The following RUFY1 variants were observed in gnomAD, a reference collection of about 807,000 sequenced individuals.
RUFY1 encodes the protein RUN and FYVE domain-containing protein 1.
Under a neutral mutation model 94.6 loss-of-function variants are expected in RUFY1, and 54 were observed. The ratio of observed to expected loss-of-function variants is 0.57; its 90% confidence interval spans 0.46 to 0.72. The LOEUF is 0.72. RUFY1 is among the 30% of genes least tolerant of loss of function. RUFY1 has a pLI of 0.00. For synonymous variants in RUFY1, 396 were observed against 347.3 expected (o/e 1.14, Z -1.56); for missense variants, 883 against 883.9 (o/e 1.00, Z 0.01).
chr5:179,596,042 T>C (rs891055764), intron 12 of RUFY1: 1 of 161,830 alleles, frequency 6.2e-6, no homozygotes, highest in Non-Finnish European at 1.4e-5. Flanking sequence ...CTAGTACATA[T>C]GTTTATAGCA....
At chr5:179,566,625 GAAA>G (rs59142888) in intron 3 of RUFY1, among the ~76,000 whole-genome samples, 5 of 115,450 alleles carry the variant, frequency 4.3e-5, no homozygotes, top group Admixed American at 9.4e-5. Context: ...GCTCCATCTC[GAAA>G]AAAAAAAAAA....
At chr5:179,570,009 G>A (rs1763106956) in intron 5 of RUFY1, among the ~76,000 whole-genome samples, 1 of 151,962 alleles carries the variant, frequency 6.6e-6, no homozygotes, top group African/African-American at 2.4e-5. Flanking sequence ...CTCCCAAAGT[G>A]CTGGGATTAC....
chr5:179,603,266 A>C (rs1232512711), intron 15 of RUFY1, among the ~76,000 whole-genome samples: 1 of 4,522 alleles, frequency 2.2e-4, no homozygotes, highest in East Asian at 0.071. Context: ...AATCCATCTC[A>C]AAAAAAAAAA....
intron 9 of RUFY1, 42 bp from the exon 10 acceptor site, chr5:179,591,583 C>T (rs1163475135): frequency 1.6e-6 from 2 of 1,212,240 alleles, no homozygotes; most frequent in South Asian, 2.6e-5. Flanking sequence ...AGCTTGCTTT[C>T]CATAAGCAAA....
rs1764568141 is a variant in RUFY1 at position 179,585,862 on chromosome 5, AGAG to A, written c.1025_1026+1del. 6.2e-7 allele frequency: 1 copy of A among 1,612,152 alleles called. No individual in the cohort carries two copies. Among genetic ancestry groups the A allele is most frequent in the African/African-American group, 1.3e-5 (1 of 74,916 alleles). On this transcript the variant is annotated inframe_deletion and splice_region_variant, in exon 8 of 18. Coordinates refer to ENST00000319449, the MANE Select transcript of RUFY1 (RefSeq NM_025158.5). Reference sequence around the variant, plus strand: ...AAAAGACTAACTCAAAGCTTCAAGAAGAGGTTTGTAAGTTTTATTGAAATTTTT... The same window carrying A: ...AAAAGACTAACTCAAAGCTTCAAGAAGTTTGTAAGTTTTATTGAAATTTTT...
intron 9 of RUFY1, among the ~76,000 whole-genome samples, chr5:179,591,254 G>A (rs1765067191): frequency 6.6e-6 from 1 of 150,686 alleles, no homozygotes; most frequent in Non-Finnish European, 1.5e-5. Flanking sequence ...GCACGATCTT[G>A]GCTCACTGCA....
In RUFY1 at chr5:179,592,105, C is replaced by T. The variant is rs151245403; in HGVS notation, c.1245+364C>T. On this transcript the variant is annotated intron_variant, in intron 10 of 17. Coordinates refer to ENST00000319449, the MANE Select transcript of RUFY1 (RefSeq NM_025158.5). ...GATTGCAGGCACCCGCCACCACACC[C>T]GGCTAATTTTTTGGTTTTTGGTTTT... Among the ~76,000 whole-genome samples, 708 of 151,570 alleles carry T rather than the reference C, an allele frequency of 4.7e-3. 9 individuals carry two copies. Among genetic ancestry groups the T allele is most frequent in the African/African-American group, 0.016 (674 of 41,376 alleles).
intron 15 of RUFY1, among the ~76,000 whole-genome samples, chr5:179,604,140 G>A (rs1766766112): frequency 6.6e-6 from 1 of 152,194 alleles, no homozygotes; most frequent in Non-Finnish European, 1.5e-5. Flanking sequence ...CCCAGTGTGA[G>A]CTGCCTGGCC....
chr5:179,560,147 T>A lies in RUFY1; in HGVS notation c.433T>A (p.Leu145Met), dbSNP rs766156302. 3.7e-6 allele frequency: 6 copies of A among 1,614,042 alleles called. No homozygotes were observed. In the South Asian group the frequency reaches 6.6e-5, roughly 18 times the overall value. ...CAGCCTGGATGCGGACCATGCCCCCTTGCAGCAGTTCTTTGTAGTGATGGA... is the reference window on the plus strand; with the variant it reads ...CAGCCTGGATGCGGACCATGCCCCCATGCAGCAGTTCTTTGTAGTGATGGA... ...GRSLDADHAP[L>M]QQFFVVMEHC... is the part of the protein sequence containing the mutation. The change falls in exon 2 of 18, where the codon TTG becomes ATG. Residue 145 changes from leucine to methionine, a missense_variant. Transcript: ENST00000319449.
At chr5:179,550,903 C>T (rs1761803511) in intron 1 of RUFY1, 24 bp downstream of exon 1, 4 of 1,112,994 alleles carry the variant, frequency 3.6e-6, no homozygotes, top group South Asian at 8.7e-5. Flanking sequence ...GGGTCTGTCC[C>T]GCGGCGGACT....
Position 179,550,859 on chromosome 5 carries a change from G to A in RUFY1, c.290G>A (p.Gly97Glu), listed in dbSNP as rs1372912903. 10 of 1,186,228 alleles carry A rather than the reference G, an allele frequency of 8.4e-6. No individual in the cohort carries two copies. The highest frequency in any genetic ancestry group is 4.6e-5 in the Admixed American group (1 of 21,552). 73.5% of individuals were successfully genotyped at this position (1,186,228 alleles called of 1,614,324 possible). The change falls in exon 1 of 18, where the codon GGG (glycine) becomes GAG (glutamate). Residue 97 changes from glycine to glutamate, a missense_variant. Transcript: ENST00000319449. ...AAAGLGGGDS[G>E]DGTARAASKC... ...GCGGGGCTGGGCGGCGGGGACAGCG[G>A]GGACGGCACGGCGCGCGCAGGTAGG...
At chr5:179,577,799 GT>G (rs1168737773) in intron 6 of RUFY1, among the ~76,000 whole-genome samples, 1 of 150,422 alleles carries the variant, frequency 6.6e-6, no homozygotes, top group Admixed American at 6.6e-5. Context: ...GGAGTTGGAT[GT>G]GCGCACATCG....
chr5:179,561,256 C>T lies in RUFY1; in HGVS notation c.484+1058C>T, dbSNP rs182667575. 1.6e-4 allele frequency among the ~76,000 whole-genome samples: 24 copies of T among 151,974 alleles called. No homozygotes were observed. The East Asian group carries it at 4.1e-3, about 26-fold the overall frequency. ...ATTAATTAATTAATTAAAACAGATG[C>T]AAAGGTTCTGAGTGGGACCAACCTT... On this transcript the variant is annotated intron_variant, in intron 2 of 17. Transcript: ENST00000319449.
At chr5:179,585,637 AATGTAT>A (rs1764546942) in intron 7 of RUFY1, among the ~76,000 whole-genome samples, 153 bp from the exon 8 acceptor site, 3 of 152,194 alleles carry the variant, frequency 2.0e-5, no homozygotes, top group Admixed American at 2.0e-4. Flanking sequence ...GTATGTTGCA[AATGTAT>A]ATTTAGAATT....
At chr5:179,599,390 C>T (rs531889352) in intron 14 of RUFY1, 7 of 152,852 alleles carry the variant, frequency 4.6e-5, no homozygotes, top group Admixed American at 1.3e-4. Context: ...TAAACATCTC[C>T]TACCACATGC....
intron 9 of RUFY1, 50 bp downstream of exon 9, chr5:179,589,697 C>T (rs1764883649): frequency 7.6e-7 from 1 of 1,312,648 alleles, no homozygotes; most frequent in Middle Eastern, 1.8e-4. Flanking sequence ...TCAGACACAC[C>T]TATTGTCAAT....
chr5:179,567,740 CTAAAAA>C (rs968864758), intron 4 of RUFY1, among the ~76,000 whole-genome samples, 178 bp downstream of exon 4: 5 of 151,532 alleles, frequency 3.3e-5, no homozygotes, highest in Non-Finnish European at 5.9e-5. Context: ...TTAGTAGAGA[CTAAAAA>C]TACGAAAATT....
chr5:179,604,371 C>T (rs1030269118), intron 15 of RUFY1, among the ~76,000 whole-genome samples: 7 of 152,176 alleles, frequency 4.6e-5, no homozygotes, highest in African/African-American at 1.7e-4. Context: ...CTGGATTCTT[C>T]CTAAATTGTG....
chr5:179,567,069 TAAAAA>T (rs1762883877), intron 3 of RUFY1, among the ~76,000 whole-genome samples: 1 of 151,842 alleles, frequency 6.6e-6, no homozygotes, highest in Non-Finnish European at 1.5e-5. Context: ...AAATAAAAAA[TAAAAA>T]ATAAAAAGTA....
Sources: gnomAD v4.1 joint callset for allele counts (sites outside exome capture counted in the v4.1 genomes callset) on GRCh38, gnomAD v4.1.1 for gene constraint, MANE v1.5 for transcripts, NCBI Gene and HGNC (gene_info 2026-07-23, HGNC 2026-07-21) for gene names.